LPP: variants seen among roughly 807,000 people sequenced by gnomAD.
The protein encoded by LPP is LIM domain containing preferred translocation partner in lipoma, also known as lipoma-preferred partner.
LPP carries 38 observed loss-of-function variants against 60.4 expected under a neutral mutation model. That is an observed-to-expected ratio of 0.63 (90% CI 0.49 to 0.83). The LOEUF (loss-of-function observed/expected upper bound fraction) is 0.83. Among genes scored for constraint, LPP ranks in the 40% least tolerant of loss-of-function variants. LPP has a pLI of 0.00. For synonymous variants in LPP, 328 were observed against 290.8 expected, an observed-to-expected ratio of 1.13 and a Z score of -1.30; for missense variants, 902 against 783.6, an observed-to-expected ratio of 1.15 and a Z score of -1.80.
intron 9 of LPP, among the ~76,000 whole-genome samples, chr3:188,846,116 G>A (rs764480556): frequency 3.3e-5 from 5 of 152,238 alleles, no homozygotes; most frequent in Non-Finnish European, 5.9e-5. Flanking sequence ...TGCAAAAGAT[G>A]AGTCCGTGCT....
chr3:188,881,926 C>A lies in LPP; in HGVS notation c.*7447C>A, dbSNP rs1472627839. On this transcript the variant is annotated 3_prime_UTR_variant, in exon 12 of 12. Coordinates refer to ENST00000617246, the MANE Select transcript of LPP (RefSeq NM_001375462.1). ...GTGCTCAAATATTTGTACCTAGAGA[C>A]GTTACATGTTAGAAAAAGTGAGCAG... The A allele has an allele frequency of 4.6e-6, 1 of 216,764 alleles. No homozygotes were observed. Among genetic ancestry groups the A allele is most frequent in the Non-Finnish European group, 9.3e-6 (1 of 107,844 alleles). The allele number at this position is 216,764 out of a possible 1,614,324, so 13.4% of individuals were successfully genotyped here.
In LPP at chr3:188,841,511, C is replaced by T. The variant is rs550641960; in HGVS notation, c.1411-24689C>T. 2.6e-5 allele frequency among the ~76,000 whole-genome samples: 4 copies of T among 151,670 alleles called. No homozygotes were observed. The East Asian group carries it at 7.8e-4, about 30-fold the overall frequency. On this transcript the variant is annotated intron_variant, in intron 9 of 11. Transcript: ENST00000617246. ...GGTTCAAGCGATTCTCCTGCCTCAG[C>T]TTCCCAAGTAGCTGGGATTACAGGT...
At chr3:188,423,492 C>A (rs1788433565) in intron 4 of LPP, among the ~76,000 whole-genome samples, 1 of 152,168 alleles carries the variant, frequency 6.6e-6, no homozygotes, top group Non-Finnish European at 1.5e-5. Context: ...AATGGTATTT[C>A]TTGTTCTAGA....
intron 9 of LPP, among the ~76,000 whole-genome samples, chr3:188,781,137 A>G (rs766081387): frequency 1.3e-5 from 2 of 152,252 alleles, no homozygotes; most frequent in Non-Finnish European, 2.9e-5. Context: ...AGCGGCTATA[A>G]TAGTATTTAT....
At chr3:188,854,510 G>A (rs1020454234) in intron 9 of LPP, among the ~76,000 whole-genome samples, 1 of 152,172 alleles carries the variant, frequency 6.6e-6, no homozygotes, top group African/African-American at 2.4e-5. Context: ...TAAGTCATGT[G>A]CTGTCTTTTG....
At chr3:188,476,814 C>G (rs1033188446) in intron 4 of LPP, among the ~76,000 whole-genome samples, 1 of 152,036 alleles carries the variant, frequency 6.6e-6, no homozygotes, top group African/African-American at 2.4e-5. Flanking sequence ...ATTAATGTTC[C>G]TCGGTCAAGG....
chr3:188,719,410 A>T (rs1172215581), intron 8 of LPP, among the ~76,000 whole-genome samples: 2 of 152,196 alleles, frequency 1.3e-5, no homozygotes, highest in Non-Finnish European at 2.9e-5. Flanking sequence ...ACCACCCAAG[A>T]TTGGTGTTTC....
chr3:188,696,780 T>C (rs186167196), intron 7 of LPP, among the ~76,000 whole-genome samples: 1 of 152,326 alleles, frequency 6.6e-6, no homozygotes, highest in African/African-American at 2.4e-5. Context: ...GTTCAATTTT[T>C]TGCTTTGTTC....
At position 188,352,879 on chromosome 3, in the gene LPP, A is replaced by G. The variant is rs1229485061; in HGVS notation, c.-10+11160A>G. 6.6e-6 allele frequency among the ~76,000 whole-genome samples: 1 copy of G among 152,206 alleles called. No homozygotes were observed. The highest frequency in any genetic ancestry group is 1.5e-5 in the Non-Finnish European group (1 of 68,034). On this transcript the variant is annotated intron_variant, in intron 3 of 11. Coordinates refer to ENST00000617246, the MANE Select transcript of LPP (RefSeq NM_001375462.1). The surrounding 1 kb of genome is among the most constrained non-coding windows in gnomAD (Gnocchi z 4.4). Reference sequence around the variant, plus strand: ...AAGGAGAGTAAGAAGCCCAGAGTAAATGGCCAAGGTGCCACTAACATGTCC... The same window carrying G: ...AAGGAGAGTAAGAAGCCCAGAGTAAGTGGCCAAGGTGCCACTAACATGTCC...
Position 188,577,743 on chromosome 3 carries a change from T to TCC in LPP, c.430-31418_430-31417insCC, listed in dbSNP as rs1223561045. ...CCTCTCTTTGGTTTCCTTCCTTCCT[T>TCC]TGTTCCTTCGTTCCTTCGTTCCTTC... On this transcript the variant is annotated intron_variant, in intron 6 of 11. Transcript: ENST00000617246. 1.6e-3 allele frequency among the ~76,000 whole-genome samples: 131 copies of TCC among 83,468 alleles called. 1 individual carries two copies. Among genetic ancestry groups the TCC allele is most frequent in the Non-Finnish European group, 2.3e-3 (78 of 34,556 alleles). 54.8% of individuals were successfully genotyped at this position (83,468 alleles called of 152,430 possible).
chr3:188,226,376 C>A (rs1717772866), intron 2 of LPP, among the ~76,000 whole-genome samples: 2 of 152,078 alleles, frequency 1.3e-5, no homozygotes, highest in African/African-American at 4.8e-5. Context: ...AGGGTGTGAG[C>A]CTTTGTTTTA....
chr3:188,253,484 G>A (rs1348142838), intron 2 of LPP, among the ~76,000 whole-genome samples: 1 of 152,072 alleles, frequency 6.6e-6, no homozygotes, highest in Non-Finnish European at 1.5e-5. Context: ...ACACCATTTA[G>A]TATGAAAATA....
At chr3:188,381,843 T>C (rs1776983484) in intron 3 of LPP, among the ~76,000 whole-genome samples, 3 of 152,252 alleles carry the variant, frequency 2.0e-5, no homozygotes, top group Middle Eastern at 3.4e-3. Flanking sequence ...TATATATATA[T>C]GTATAGAGTC....
At chr3:188,203,851 C>G (rs981897122) in intron 1 of LPP, among the ~76,000 whole-genome samples, 1 of 151,298 alleles carries the variant, frequency 6.6e-6, no homozygotes, top group African/African-American at 2.4e-5. Context: ...CAAAGGCTTG[C>G]ACATGGTTAC....
chr3:188,680,166 A>G (rs1370542461), intron 7 of LPP, among the ~76,000 whole-genome samples: 1 of 152,116 alleles, frequency 6.6e-6, no homozygotes, highest in Non-Finnish European at 1.5e-5. Context: ...CTCTTTCTTC[A>G]TCTTTTTCTT....
At chr3:188,682,229 G>A (rs1040450700) in intron 7 of LPP, among the ~76,000 whole-genome samples, 1 of 152,136 alleles carries the variant, frequency 6.6e-6, no homozygotes, top group African/African-American at 2.4e-5. Flanking sequence ...TATATTAATA[G>A]CAAAGCAAGA....
intron 2 of LPP, among the ~76,000 whole-genome samples, chr3:188,298,311 T>A (rs749762119): frequency 9.9e-5 from 15 of 152,180 alleles, no homozygotes; most frequent in Non-Finnish European, 1.5e-4. Context: ...TCCTGGTCAC[T>A]CTCTGGGCCC....
chr3:188,298,930 C>A (rs1402080660), intron 2 of LPP, among the ~76,000 whole-genome samples: 1 of 152,308 alleles, frequency 6.6e-6, no homozygotes, highest in African/African-American at 2.4e-5. Context: ...CCATCTTATT[C>A]TATAGGCTTC....
At chr3:188,210,158 C>G (rs575137334) in intron 1 of LPP, among the ~76,000 whole-genome samples, 1 of 152,032 alleles carries the variant, frequency 6.6e-6, no homozygotes, top group East Asian at 1.9e-4. Context: ...TTTGCATTCT[C>G]AGGTATTATA....
Sources: allele counts gnomAD v4.1 joint callset (sites outside exome capture counted in the v4.1 genomes callset), GRCh38; gene constraint gnomAD v4.1.1; non-coding constraint Gnocchi (gnomAD v3.1); transcripts MANE v1.5; gene names NCBI Gene and HGNC (gene_info 2026-07-23, HGNC 2026-07-21).